Variants in ANO6 observed in about 807,000 individuals in gnomAD.
The protein encoded by ANO6 is anoctamin-6.
Under a neutral mutation model 117.5 loss-of-function variants are expected in ANO6, and 106 were observed. That is an observed-to-expected ratio of 0.90 (90% CI 0.77 to 1.06). The LOEUF (loss-of-function observed/expected upper bound fraction) is 1.06. Among genes scored for constraint, ANO6 ranks in the 50% least tolerant of loss-of-function variants. The pLI is 0.00. For missense variants in ANO6, 955 were observed against 1,121.1 expected, an observed-to-expected ratio of 0.85 and a Z score of 2.12; for synonymous variants, 367 against 385.1, an observed-to-expected ratio of 0.95 and a Z score of 0.55.
In ANO6 at chr12:45,338,236, A is replaced by G. The variant is rs1292730434; in HGVS notation, c.279+6813A>G. Among the ~76,000 whole-genome samples, 3 of 152,148 alleles carry G rather than the reference A, an allele frequency of 2.0e-5. No individual in the cohort carries two copies. The East Asian group carries it at 5.8e-4, about 29-fold the overall frequency. ...AAGCAACACAGTGTTCTGGTAGGAA[A>G]GATCCTCCTGAGAAAAATTTGTCTC... On this transcript the variant is annotated intron_variant, in intron 3 of 19. Coordinates refer to ENST00000320560, the MANE Select transcript of ANO6 (RefSeq NM_001025356.3).
chr12:45,375,616 A>G (rs1416246707), intron 9 of ANO6, among the ~76,000 whole-genome samples: 3 of 152,324 alleles, frequency 2.0e-5, no homozygotes, highest in South Asian at 4.1e-4. Flanking sequence ...AGGATTCCCT[A>G]TTTAATAAAT....
rs758382054 is a variant in ANO6, at chr12:45,429,189, A to G, written c.2611A>G (p.Lys871Glu). The G allele has an allele frequency of 6.2e-7, 1 of 1,614,006 alleles. No individual in the cohort carries two copies. Among genetic ancestry groups the G allele is most frequent in the Non-Finnish European group, 8.5e-7 (1 of 1,179,958 alleles). ...KRTKSKIQRE[K>E]YLTQKLLHEN... is the part of the protein sequence containing the mutation. The stretch of plus-strand genomic sequence containing the variant: ...CACAAAGAGCAAGATCCAGAGAGAA[A>G]AATACCTAACCCAAAAGCTTCTTCA... Residue 871 changes from lysine (K) to glutamate (E), a missense_variant, in exon 20 of 20, where the codon AAA becomes GAA. By Grantham distance (56) the Lys-to-Glu change is moderately conservative (BLOSUM62 1). Transcript: ENST00000320560.
chr12:45,342,761 T>A (rs756993465), intron 3 of ANO6, among the ~76,000 whole-genome samples: 1 of 152,166 alleles, frequency 6.6e-6, no homozygotes, highest in Non-Finnish European at 1.5e-5. Context: ...GATATCAAGA[T>A]TAAAAGACAC....
intron 1 of ANO6, among the ~76,000 whole-genome samples, chr12:45,259,522 G>A (rs1937950282): frequency 6.6e-6 from 1 of 152,210 alleles, no homozygotes; most frequent in Admixed American, 6.5e-5. Flanking sequence ...CAATTGGCAG[G>A]GATGCCCCTG....
chr12:45,410,704 G>A (rs1398765457), intron 16 of ANO6, among the ~76,000 whole-genome samples: 1 of 152,154 alleles, frequency 6.6e-6, no homozygotes, highest in African/African-American at 2.4e-5. Context: ...TTTATGCACA[G>A]GGCTTTGCAT....
At chr12:45,255,818 G>GGTTTTTTTTTTTTTTTTTTTTTTT (rs749001458) in intron 1 of ANO6, among the ~76,000 whole-genome samples, 1 of 81,712 alleles carries the variant, frequency 1.2e-5, no homozygotes, top group African/African-American at 4.5e-5. Context: ...CTCCCTGGGT[G>GGTTTTTTTTTTTTTTTTTTTTTTT]TTTTTTTTTT....
rs576885232 is a variant in ANO6 at position 45,438,247 on chromosome 12, G to A, written c.2527-1428G>A. On this transcript the variant is annotated intron_variant, in intron 19 of 19. Coordinates refer to the ANO6 transcript ENST00000425752. ...CCTGCCACATTCAGCACATATTTGCGTGTATGTGTGTGTGTGTGTGTGTGT... is the reference window on the plus strand; with the variant it reads ...CCTGCCACATTCAGCACATATTTGCATGTATGTGTGTGTGTGTGTGTGTGT... Among the ~76,000 whole-genome samples, 123 of 113,462 alleles carry A rather than the reference G, an allele frequency of 1.1e-3. 1 individual carries two copies. Among genetic ancestry groups the A allele is most frequent in the African/African-American group, 3.2e-3 (103 of 32,484 alleles). 74.4% of individuals were successfully genotyped at this position (113,462 alleles called of 152,430 possible). A position where few individuals can be genotyped will look rare whatever the true frequency, so the allele number is the denominator to read the frequency against.
intron 1 of ANO6, chr12:45,228,123 G>GTTTTTTTTTTTT: frequency 3.5e-6 from 1 of 283,228 alleles, no homozygotes; most frequent in Non-Finnish European, 6.7e-6. Flanking sequence ...TTTTTGTGTT[G>GTTTTTTTTTTTT]TTTTTTTTTT....
chr12:45,368,908 A>AT (rs1213086978), intron 9 of ANO6, among the ~76,000 whole-genome samples: 1 of 152,204 alleles, frequency 6.6e-6, no homozygotes, highest in Non-Finnish European at 1.5e-5. Flanking sequence ...CATTATCTCC[A>AT]TTTTTACAGC....
chr12:45,317,497 A>G (rs1273752447), intron 2 of ANO6, among the ~76,000 whole-genome samples: 1 of 151,766 alleles, frequency 6.6e-6, no homozygotes, highest in Non-Finnish European at 1.5e-5. Flanking sequence ...TATATGTGCC[A>G]CATTTTCTTA....
At chr12:45,230,434 A>T (rs1044279333) in intron 1 of ANO6, among the ~76,000 whole-genome samples, 3 of 149,290 alleles carry the variant, frequency 2.0e-5, no homozygotes, top group African/African-American at 7.3e-5. Context: ...TGTATAAAAT[A>T]TTTAACATAT....
Position 45,357,314 on chromosome 12 carries a change from A to C in ANO6, c.888A>C (p.Gly296=). The change falls in exon 8 of 20, where the codon GGA becomes GGC. Residue 296 remains glycine (G), a synonymous_variant. Transcript: ENST00000320560. The part of the protein sequence containing the change: ...LIRKYYGEKI[G]IYFAWLGYYT... Reference sequence around the variant, plus strand: ...GGAAATACTATGGAGAGAAGATTGGAATCTACTTTGCTTGGCTGGGCTATT... The same window carrying C: ...GGAAATACTATGGAGAGAAGATTGGCATCTACTTTGCTTGGCTGGGCTATT... The C allele has an allele frequency of 6.2e-7, 1 of 1,613,938 alleles. No homozygotes were observed. The highest frequency in any genetic ancestry group is 8.5e-7 in the Non-Finnish European group (1 of 1,179,982).
chr12:45,352,555 A>G (rs1481718759), intron 7 of ANO6, among the ~76,000 whole-genome samples: 1 of 113,008 alleles, frequency 8.8e-6, no homozygotes, highest in Non-Finnish European at 1.7e-5. Context: ...AGTGAGATCC[A>G]GTCTTAAAAA....
At chr12:45,259,758 A>C (rs987601646) in intron 1 of ANO6, among the ~76,000 whole-genome samples, 1 of 152,280 alleles carries the variant, frequency 6.6e-6, no homozygotes. Context: ...TGGAGAGAGA[A>C]TGGAAACACC....
rs192336360 is a variant in ANO6 at position 45,352,735 on chromosome 12, A to G, written c.863+1961A>G. On this transcript the variant is annotated intron_variant, in intron 7 of 19. Transcript: ENST00000320560. Reference sequence around the variant, plus strand: ...GAGTAAGACCCTGTCTCCAAAAAAAAAAAAAAAATTATTTAATATCATCAG... The same window carrying G: ...GAGTAAGACCCTGTCTCCAAAAAAAGAAAAAAAATTATTTAATATCATCAG... Among the ~76,000 whole-genome samples, 130 of 152,040 alleles carry G rather than the reference A, an allele frequency of 8.6e-4. 2 individuals are homozygous for G. The highest frequency in any genetic ancestry group is 3.1e-3 in the African/African-American group (129 of 41,460).
At chr12:45,350,160 C>CG (rs1941243096) in intron 6 of ANO6, among the ~76,000 whole-genome samples, 1 of 152,176 alleles carries the variant, frequency 6.6e-6, no homozygotes, top group East Asian at 1.9e-4. Flanking sequence ...ACATGATACC[C>CG]AGCTTTATTG....
At chr12:45,261,632 A>G (rs1369154958) in intron 1 of ANO6, among the ~76,000 whole-genome samples, 1 of 152,322 alleles carries the variant, frequency 6.6e-6, no homozygotes, top group East Asian at 1.9e-4. Context: ...TTATTTGTAA[A>G]TGTATCAAGT....
At chr12:45,250,431 C>T (rs1434195703) in intron 1 of ANO6, among the ~76,000 whole-genome samples, 1 of 152,150 alleles carries the variant, frequency 6.6e-6, no homozygotes, top group Non-Finnish European at 1.5e-5. Context: ...CTAGCTCTGT[C>T]ACCCAGGCTG....
At chr12:45,323,822 A>G (rs1940363738) in intron 2 of ANO6, among the ~76,000 whole-genome samples, 1 of 147,926 alleles carries the variant, frequency 6.8e-6, no homozygotes, top group Non-Finnish European at 1.5e-5. Flanking sequence ...ATAATAGCTT[A>G]TGTTCAATAT....
Sources: allele counts gnomAD v4.1 joint callset (sites outside exome capture counted in the v4.1 genomes callset), GRCh38; gene constraint gnomAD v4.1.1; transcripts MANE v1.5; gene names NCBI Gene and HGNC (gene_info 2026-07-23, HGNC 2026-07-21).